Variants in PCDHA2 observed in about 807,000 individuals in gnomAD.
PCDHA2 encodes protocadherin alpha 2.
A neutral mutation model predicts 66.0 loss-of-function variants in PCDHA2; 58 were observed. The ratio of observed to expected loss-of-function variants is 0.88; its 90% CI spans 0.71 to 1.09. PCDHA2 has a LOEUF of 1.09. Ranked by LOEUF, PCDHA2 falls within the 50% of genes least tolerant of loss-of-function variation. The pLI, the probability that PCDHA2 is intolerant of heterozygous loss-of-function variation, is 0.00. For synonymous variants in PCDHA2, 634 were observed against 554.0 expected, an observed-to-expected ratio of 1.14 and a Z score of -2.03; for missense variants, 1,267 against 1,242.3, an observed-to-expected ratio of 1.02 and a Z score of -0.30.
intron 1 of PCDHA2, chr5:140,851,142 C>T: frequency 7.6e-7 from 1 of 1,309,246 alleles, no homozygotes; most frequent in Non-Finnish European, 9.9e-7. Flanking sequence ...ATTAAAGTGA[C>T]ATTGAATTTC....
intron 3 of PCDHA2, among the ~76,000 whole-genome samples, chr5:140,999,252 T>C (rs1474093411): frequency 1.3e-5 from 2 of 152,204 alleles, no homozygotes; most frequent in African/African-American, 4.8e-5. Flanking sequence ...GGGAGTTGGA[T>C]TAGTAAAGGA....
chr5:140,842,647 T>C (rs1778166241), intron 1 of PCDHA2: 1 of 1,595,148 alleles, frequency 6.3e-7, no homozygotes, highest in African/African-American at 1.3e-5. Flanking sequence ...CCAGCTTGTC[T>C]GTGGAGGTGG....
intron 1 of PCDHA2, chr5:140,848,371 A>T: frequency 8.8e-7 from 1 of 1,131,148 alleles, no homozygotes; most frequent in Non-Finnish European, 1.3e-6. Context: ...AAAGAGGCTC[A>T]ATTCTTTTTC....
intron 1 of PCDHA2, chr5:140,802,810 G>A: frequency 1.2e-6 from 2 of 1,613,500 alleles, no homozygotes; most frequent in South Asian, 1.1e-5. Flanking sequence ...GTGAGTGCGC[G>A]CGATGCGGGC....
rs782226531 is a variant in PCDHA2, at chr5:140,928,688, A to G, written c.2389-50261A>G. 6 of 1,614,004 alleles carry G rather than the reference A, an allele frequency of 3.7e-6. No homozygotes were observed. The African/African-American group carries it at 4.0e-5, about 11-fold the overall frequency. The stretch of plus-strand genomic sequence containing the variant: ...GGTTCTAATGCCTGGCTTTCCTACC[A>G]CATCTCCCGGGCGTCTGACTCTAGT... On this transcript the variant is annotated intron_variant, in intron 1 of 3. Transcript: ENST00000526136.
At chr5:140,988,169 A>G (rs1384072642) in intron 3 of PCDHA2, among the ~76,000 whole-genome samples, 3 of 152,128 alleles carry the variant, frequency 2.0e-5, no homozygotes. Flanking sequence ...TGTCATAGCA[A>G]TGACAGTCCT....
intron 3 of PCDHA2, 64 bp downstream of exon 3, chr5:140,982,627 T>A: frequency 6.3e-7 from 1 of 1,581,770 alleles, no homozygotes; most frequent in Non-Finnish European, 8.6e-7. Flanking sequence ...GACCTACTTT[T>A]GTAAGATCAG....
intron 1 of PCDHA2, among the ~76,000 whole-genome samples, chr5:140,880,084 T>C (rs1554171167): frequency 6.6e-6 from 1 of 152,208 alleles, no homozygotes. Context: ...CAACCTATTA[T>C]AGTAGGCTTA....
chr5:140,941,191 T>TTTTTTTTC (rs1554213809), intron 1 of PCDHA2, among the ~76,000 whole-genome samples: 21 of 93,258 alleles, frequency 2.3e-4, no homozygotes, highest in African/African-American at 5.9e-4. Flanking sequence ...GCTTCTTTTT[T>TTTTTTTTC]TTTCTTTCTT....
intron 1 of PCDHA2, chr5:140,870,513 C>G: frequency 6.2e-7 from 1 of 1,614,254 alleles, no homozygotes; most frequent in Non-Finnish European, 8.5e-7. Flanking sequence ...ACCCACCAGG[C>G]TGCCACATCT....
intron 1 of PCDHA2, among the ~76,000 whole-genome samples, chr5:140,819,327 A>G (rs1171636879): frequency 6.6e-6 from 1 of 152,180 alleles, no homozygotes; most frequent in Non-Finnish European, 1.5e-5. Flanking sequence ...TGTAAGGAAT[A>G]AAGGACATTT....
intron 1 of PCDHA2, chr5:140,870,758 T>C: frequency 1.2e-6 from 2 of 1,613,530 alleles, no homozygotes; most frequent in African/African-American, 2.7e-5. Flanking sequence ...ACGCTGCAGG[T>C]GTTCGTGCTG....
intron 1 of PCDHA2, chr5:140,870,230 G>A (rs782759965): frequency 9.3e-6 from 15 of 1,614,032 alleles, no homozygotes; most frequent in Non-Finnish European, 1.3e-5. Flanking sequence ...GTGTCTGACC[G>A]TGACTCAGGT....
chr5:140,818,304 T>A (rs1766328440), intron 1 of PCDHA2, among the ~76,000 whole-genome samples: 1 of 152,256 alleles, frequency 6.6e-6, no homozygotes, highest in Non-Finnish European at 1.5e-5. Context: ...CTGACCCATC[T>A]TTTACTTTAG....
chr5:140,811,630 T>G (rs1764925222), intron 1 of PCDHA2: 1 of 152,238 alleles, frequency 6.6e-6, no homozygotes. Context: ...TGTAAAAGCG[T>G]TACTATTTCT....
At chr5:140,819,111 C>A (rs1193476646) in intron 1 of PCDHA2, among the ~76,000 whole-genome samples, 1 of 152,090 alleles carries the variant, frequency 6.6e-6, no homozygotes, top group Non-Finnish European at 1.5e-5. Context: ...CTCATGGTAT[C>A]CTTTCTTACT....
At chr5:140,890,363 C>T (rs1217094920) in intron 1 of PCDHA2, among the ~76,000 whole-genome samples, 1 of 152,036 alleles carries the variant, frequency 6.6e-6, no homozygotes, top group African/African-American at 2.4e-5. Flanking sequence ...CAATGGATAA[C>T]CTGAACAAGT....
chr5:140,863,047 C>T, intron 1 of PCDHA2: 1 of 560,864 alleles, frequency 1.8e-6, no homozygotes. Context: ...TGTCAGCTGG[C>T]AGCACCCGTT....
At chr5:140,846,712 C>T (rs1014332332) in intron 1 of PCDHA2, among the ~76,000 whole-genome samples, 3 of 149,228 alleles carry the variant, frequency 2.0e-5, no homozygotes, top group Non-Finnish European at 4.5e-5. Flanking sequence ...ATTGTAATAA[C>T]CAGTCTTCAT....
Sources: allele counts gnomAD v4.1 joint callset (sites outside exome capture counted in the v4.1 genomes callset), GRCh38; gene constraint gnomAD v4.1.1; transcripts MANE v1.5; gene names NCBI Gene and HGNC (gene_info 2026-07-23, HGNC 2026-07-21).